CELF2: variants seen among roughly 807,000 people sequenced by gnomAD.
CELF2 encodes the protein CUG triplet repeat RNA-binding protein 2.
Under a neutral mutation model 62.6 loss-of-function variants are expected in CELF2, and 8 were observed. The observed-to-expected ratio is 0.13, with a 90% CI of 0.07 to 0.23. The LOEUF is 0.23. Among genes scored for constraint, CELF2 ranks in the 10% least tolerant of loss-of-function variants. The probability of loss-of-function intolerance (pLI) is 1.00; values close to 1 mark genes in which losing one functional copy is unlikely to be tolerated. For missense variants in CELF2, 333 were observed against 671.0 expected (o/e 0.50, Z 5.56); for synonymous variants, 258 against 250.0 (o/e 1.03, Z -0.30).
rs191303592 is a variant in CELF2, at chr10:11,224,581, G to T, written c.354+7074G>T. 7.5e-4 allele frequency among the ~76,000 whole-genome samples: 114 copies of T among 152,222 alleles called. No homozygotes were observed. The highest frequency in any genetic ancestry group is 1.1e-3 in the Admixed American group (17 of 15,294). On this transcript the variant is annotated intron_variant, in intron 3 of 12. Coordinates refer to ENST00000633077, the MANE Select transcript of CELF2 (RefSeq NM_001326342.2). The surrounding 1 kb of genome is among the most constrained non-coding windows in gnomAD (Gnocchi z 4.5). The stretch of plus-strand genomic sequence containing the variant: ...CTGCATGGAATTACAGAGGAAGGAG[G>T]TGAGCCATGATAATCAAATGATGAA...
chr10:11,050,225 G>A (rs908484531), intron 1 of CELF2, among the ~76,000 whole-genome samples: 2 of 152,152 alleles, frequency 1.3e-5, no homozygotes, highest in African/African-American at 4.8e-5. Context: ...TTTGTGTCCC[G>A]AACTCTTTGT....
the CELF2 span, among the ~76,000 whole-genome samples, chr10:10,569,921 C>T: frequency 6.6e-6 from 1 of 152,164 alleles, no homozygotes. Context: ...ACAGAATCTT[C>T]AGGAAGATTG....
At chr10:10,918,130 G>A (rs1471242216) in intron 1 of CELF2, among the ~76,000 whole-genome samples, 1 of 152,176 alleles carries the variant, frequency 6.6e-6, no homozygotes, top group African/African-American at 2.4e-5. Flanking sequence ...TTTATTGAGT[G>A]TATATGTCGG....
intron 1 of CELF2, among the ~76,000 whole-genome samples, chr10:11,023,062 T>C (rs1401236435): frequency 6.6e-6 from 1 of 152,242 alleles, no homozygotes; most frequent in Non-Finnish European, 1.5e-5. Flanking sequence ...TTTAGAGTAT[T>C]ACCGTTTGGG....
At chr10:10,857,757 G>A (rs932050815) in intron 1 of CELF2, among the ~76,000 whole-genome samples, 2 of 145,604 alleles carry the variant, frequency 1.4e-5, no homozygotes, top group African/African-American at 5.1e-5. Flanking sequence ...AGAAAAATCA[G>A]TCAATAGAAA....
the CELF2 span, among the ~76,000 whole-genome samples, chr10:10,576,189 T>C: frequency 1.8e-4 from 27 of 152,126 alleles, no homozygotes; most frequent in African/African-American, 3.4e-4. Flanking sequence ...AGAGACCAAA[T>C]TGGGGGGCTA....
chr10:11,105,875 C>T (rs2053300440), intron 1 of CELF2, among the ~76,000 whole-genome samples: 1 of 152,208 alleles, frequency 6.6e-6, no homozygotes, highest in African/African-American at 2.4e-5. Flanking sequence ...AGTCACACTC[C>T]ACCTCATACC....
At chr10:11,289,369 TGTTG>T (rs2092107611) in intron 9 of CELF2, among the ~76,000 whole-genome samples, 2 of 152,278 alleles carry the variant, frequency 1.3e-5, no homozygotes, top group East Asian at 3.9e-4. Flanking sequence ...ATTAGCTAAG[TGTTG>T]GAAAAACGTT....
the CELF2 span, among the ~76,000 whole-genome samples, chr10:10,637,054 T>C: frequency 5.9e-5 from 9 of 152,162 alleles, no homozygotes; most frequent in Non-Finnish European, 1.2e-4. Context: ...GACCTTGAAT[T>C]CAGAGAAATC....
intron 1 of CELF2, among the ~76,000 whole-genome samples, chr10:11,068,095 A>G (rs2068648230): frequency 6.6e-6 from 1 of 152,210 alleles, no homozygotes; most frequent in Admixed American, 6.5e-5. Context: ...GTGGAGATAG[A>G]ACCAAATTTA....
intron 1 of CELF2, among the ~76,000 whole-genome samples, chr10:10,874,802 C>G (rs2133481709): frequency 6.6e-6 from 1 of 152,230 alleles, no homozygotes; most frequent in African/African-American, 2.4e-5. Flanking sequence ...GAGGAACATG[C>G]AGAATGACAC....
chr10:11,292,847 T>G (rs1329698258), intron 9 of CELF2, among the ~76,000 whole-genome samples: 3 of 152,224 alleles, frequency 2.0e-5, no homozygotes, highest in Non-Finnish European at 4.4e-5. Flanking sequence ...CTGGCTCAGC[T>G]GCGTGCCTCA....
intron 1 of CELF2, among the ~76,000 whole-genome samples, chr10:11,041,137 T>C (rs934146048): frequency 1.1e-4 from 16 of 152,220 alleles, no homozygotes; most frequent in Admixed American, 4.6e-4. Context: ...TTCAAAAAAG[T>C]TGTAGTGTCC....
chr10:10,898,011 G>A (rs2062683718), intron 1 of CELF2, among the ~76,000 whole-genome samples: 1 of 152,190 alleles, frequency 6.6e-6, no homozygotes, highest in African/African-American at 2.4e-5. Flanking sequence ...TCAGAGGGTG[G>A]ATCAAGCCAC....
At chr10:10,680,294 C>T in the CELF2 span, among the ~76,000 whole-genome samples, 1 of 152,162 alleles carries the variant, frequency 6.6e-6, no homozygotes, top group African/African-American at 2.4e-5. Flanking sequence ...AGACTACCTT[C>T]AGGTTTGAAA....
Position 11,255,148 on chromosome 10 carries a change from G to A in CELF2, c.404-2590G>A, listed in dbSNP as rs549857176. 2.0e-5 allele frequency among the ~76,000 whole-genome samples: 3 copies of A among 152,294 alleles called. No individual in the cohort carries two copies. Among genetic ancestry groups the A allele is most frequent in the South Asian group, 4.2e-4 (2 of 4,814 alleles). On this transcript the variant is annotated intron_variant, in intron 4 of 12. Coordinates refer to ENST00000633077, the MANE Select transcript of CELF2 (RefSeq NM_001326342.2). The surrounding 1 kb of genome is among the most constrained non-coding windows in gnomAD (Gnocchi z 5.5). Reference sequence around the variant, plus strand: ...TGACCAGGCTTCACCAGTTCACAGCGGATCCATGCTACTTTGCCTTCTCTG... The same window carrying A: ...TGACCAGGCTTCACCAGTTCACAGCAGATCCATGCTACTTTGCCTTCTCTG...
chr10:10,817,650 C>A (rs4749992), intron 1 of CELF2, among the ~76,000 whole-genome samples: 1 of 152,110 alleles, frequency 6.6e-6, no homozygotes, highest in South Asian at 2.1e-4. Flanking sequence ...GCAAACGACT[C>A]GATCTCATTT....
At chr10:11,241,809 G>C (rs1295411911) in intron 3 of CELF2, among the ~76,000 whole-genome samples, 1 of 152,134 alleles carries the variant, frequency 6.6e-6, no homozygotes, top group Non-Finnish European at 1.5e-5. Flanking sequence ...AAGGTCTCGT[G>C]GTGGGGCATG....
At chr10:10,705,270 A>G in the CELF2 span, among the ~76,000 whole-genome samples, 4 of 152,054 alleles carry the variant, frequency 2.6e-5, no homozygotes, top group African/African-American at 9.7e-5. Flanking sequence ...GAACGTAGTC[A>G]CAAAATAAAT....
Sources: gnomAD v4.1 joint callset for allele counts (sites outside exome capture counted in the v4.1 genomes callset) on GRCh38, gnomAD v4.1.1 for gene constraint, Gnocchi (gnomAD v3.1) non-coding constraint, MANE v1.5 for transcripts, NCBI Gene and HGNC (gene_info 2026-07-23, HGNC 2026-07-21) for gene names.